The following RBM20 variants were observed in gnomAD, a reference collection of about 807,000 sequenced individuals.
RBM20 encodes the protein RNA-binding protein 20.
A neutral mutation model predicts 110.1 loss-of-function variants in RBM20; 51 were observed. The observed-to-expected ratio is 0.46, with a 90% CI of 0.37 to 0.59. RBM20 has a LOEUF of 0.59. Among genes scored for constraint, RBM20 ranks in the 20% least tolerant of loss-of-function variants. RBM20 has a pLI of 0.00. For synonymous variants in RBM20, 589 were observed against 618.2 expected (o/e 0.95, Z 0.70); for missense variants, 1,512 against 1,574.9 (o/e 0.96, Z 0.68).
intron 6 of RBM20, among the ~76,000 whole-genome samples, chr10:110,798,265 A>C (rs1188808433): frequency 6.6e-6 from 1 of 152,236 alleles, no homozygotes; most frequent in Admixed American, 6.5e-5. Context: ...CCCAACAGTC[A>C]GAAATCAGAA....
At chr10:110,806,920 C>T (rs939817833) in intron 7 of RBM20, among the ~76,000 whole-genome samples, 15 of 152,176 alleles carry the variant, frequency 9.9e-5, no homozygotes, top group African/African-American at 2.9e-4. Context: ...TAGGGCTTTC[C>T]GAAGTCAATT....
At chr10:110,744,123 G>A (rs1006517018) in intron 1 of RBM20, among the ~76,000 whole-genome samples, 6 of 152,124 alleles carry the variant, frequency 3.9e-5, no homozygotes, top group Middle Eastern at 3.2e-3. Flanking sequence ...GTGGCACTGG[G>A]CAAACTCCTT....
At chr10:110,783,586 G>A (rs1445514927) in intron 3 of RBM20, among the ~76,000 whole-genome samples, 159 bp downstream of exon 3, 1 of 152,206 alleles carries the variant, frequency 6.6e-6, no homozygotes, top group East Asian at 1.9e-4. Flanking sequence ...ACAGGGGCCA[G>A]GGAGATGATA....
intron 1 of RBM20, among the ~76,000 whole-genome samples, chr10:110,684,156 A>T (rs1230729875): frequency 6.6e-6 from 1 of 152,184 alleles, no homozygotes; most frequent in Admixed American, 6.5e-5. Flanking sequence ...GCACTTTGGG[A>T]GGCCGAGGCA....
intron 1 of RBM20, among the ~76,000 whole-genome samples, chr10:110,659,094 T>A (rs1178268658): frequency 6.6e-6 from 1 of 152,168 alleles, no homozygotes; most frequent in Non-Finnish European, 1.5e-5. Flanking sequence ...GGAACTTAAC[T>A]GCAACTGAAC....
At chr10:110,723,851 G>A (rs1843534678) in intron 1 of RBM20, among the ~76,000 whole-genome samples, 1 of 152,100 alleles carries the variant, frequency 6.6e-6, no homozygotes, top group Non-Finnish European at 1.5e-5. Context: ...CACAGGGAAG[G>A]CAGAATTATT....
At chr10:110,678,267 T>C (rs747080473) in intron 1 of RBM20, among the ~76,000 whole-genome samples, 5 of 152,200 alleles carry the variant, frequency 3.3e-5, no homozygotes, top group Non-Finnish European at 1.5e-5. Context: ...AATGTAATTA[T>C]GCAAAAAAAT....
At chr10:110,746,234 G>A (rs571687019) in intron 1 of RBM20, among the ~76,000 whole-genome samples, 9 of 152,274 alleles carry the variant, frequency 5.9e-5, no homozygotes, top group African/African-American at 2.2e-4. Context: ...GCCAATTGAG[G>A]TAGAGGCTTG....
At chr10:110,698,627 G>A (rs773546304) in intron 1 of RBM20, among the ~76,000 whole-genome samples, 2 of 152,204 alleles carry the variant, frequency 1.3e-5, no homozygotes, top group African/African-American at 2.4e-5. Flanking sequence ...TGAAGACAGC[G>A]TGGAACTGGA....
intron 1 of RBM20, among the ~76,000 whole-genome samples, chr10:110,724,444 C>A (rs542395455): frequency 6.6e-6 from 1 of 152,300 alleles, no homozygotes; most frequent in East Asian, 1.9e-4. Context: ...TGGGGCCTCA[C>A]CTCTTACCTG....
chr10:110,759,170 G>A (rs976665033), intron 1 of RBM20, among the ~76,000 whole-genome samples: 4 of 152,306 alleles, frequency 2.6e-5, no homozygotes, highest in East Asian at 1.9e-4. Flanking sequence ...GAGCTTGTTC[G>A]TTCTGGGAAC....
At chr10:110,803,639 T>A (rs1293965637) in intron 7 of RBM20, among the ~76,000 whole-genome samples, 1 of 152,036 alleles carries the variant, frequency 6.6e-6, no homozygotes, top group Non-Finnish European at 1.5e-5. Flanking sequence ...AGCTGCCATA[T>A]TCCCTCTTAA....
At chr10:110,723,353 C>T (rs1292344962) in intron 1 of RBM20, among the ~76,000 whole-genome samples, 2 of 152,198 alleles carry the variant, frequency 1.3e-5, no homozygotes. Context: ...CTTCCCTTTC[C>T]CCTTCCCTCA....
At chr10:110,799,687 C>T in intron 6 of RBM20, 100 bp from the exon 7 acceptor site, 1 of 1,207,520 alleles carries the variant, frequency 8.3e-7, no homozygotes, top group Non-Finnish European at 1.1e-6. Flanking sequence ...TTAGTTTTGC[C>T]TGTTCTTGAA....
chr10:110,835,710 G>A, intron 13 of RBM20, 158 bp from the exon 14 acceptor site: 1 of 587,424 alleles, frequency 1.7e-6, no homozygotes, highest in Non-Finnish European at 2.9e-6. Context: ...CATAAGTTCT[G>A]TAGCCCCAGT....
chr10:110,760,206 C>T (rs745812681), intron 1 of RBM20, among the ~76,000 whole-genome samples: 2 of 152,156 alleles, frequency 1.3e-5, no homozygotes, highest in Non-Finnish European at 2.9e-5. Context: ...CCACCTGAAT[C>T]GGGTGCTTTG....
chr10:110,668,836 T>A (rs72834030), intron 1 of RBM20, among the ~76,000 whole-genome samples: 18,151 of 151,982 alleles, frequency 0.12, 1,272 homozygotes, highest in African/African-American at 0.18. Context: ...CGAAGTTCTT[T>A]TTTGAACTTC....
chr10:110,831,596 C>G (rs1446258361), intron 13 of RBM20: 1 of 151,692 alleles, frequency 6.6e-6, no homozygotes, highest in East Asian at 2.0e-4. Flanking sequence ...TGACCCCTTC[C>G]CACAAGACTC....
At chr10:110,657,463 T>C (rs977334710) in intron 1 of RBM20, among the ~76,000 whole-genome samples, 4 of 152,234 alleles carry the variant, frequency 2.6e-5, no homozygotes, top group Non-Finnish European at 5.9e-5. Flanking sequence ...TTTTGAGGAA[T>C]GTCTACTCAA....
Sources: gnomAD v4.1 joint callset for allele counts (sites outside exome capture counted in the v4.1 genomes callset) on GRCh38, gnomAD v4.1.1 for gene constraint, MANE v1.5 for transcripts, NCBI Gene and HGNC (gene_info 2026-07-23, HGNC 2026-07-21) for gene names.